Variants in DLG2 observed in about 807,000 individuals in gnomAD.
DLG2 encodes the protein disks large homolog 2.
In DLG2, 45 loss-of-function variants were observed where a neutral mutation model predicts 132.5. That is an observed-to-expected ratio of 0.34 (90% CI 0.27 to 0.44). DLG2 has a LOEUF of 0.44. Ranked by LOEUF, DLG2 falls within the 20% of genes least tolerant of loss-of-function variation. The pLI is 1.00. For missense variants in DLG2, 1,045 were observed against 1,196.9 expected (o/e 0.87, Z 1.87); for synonymous variants, 424 against 419.6 (o/e 1.01, Z -0.13).
intron 6 of DLG2, among the ~76,000 whole-genome samples, chr11:84,770,930 G>T (rs1387677594): frequency 1.3e-5 from 2 of 151,892 alleles, no homozygotes; most frequent in Non-Finnish European, 2.9e-5. Flanking sequence ...GGGATTACAG[G>T]CATGAGCCAC....
intron 6 of DLG2, among the ~76,000 whole-genome samples, chr11:84,902,534 C>T (rs772613834): frequency 2.0e-5 from 3 of 152,132 alleles, no homozygotes; most frequent in Non-Finnish European, 4.4e-5. Flanking sequence ...ACATCTCTCC[C>T]CACAATGGTG....
chr11:84,463,675 C>G (rs1227203793), intron 7 of DLG2, among the ~76,000 whole-genome samples: 1 of 151,172 alleles, frequency 6.6e-6, no homozygotes, highest in African/African-American at 2.4e-5. Flanking sequence ...AGGGACTATG[C>G]CCAACTCATC....
intron 3 of DLG2, among the ~76,000 whole-genome samples, chr11:85,293,953 C>T (rs1011260479): frequency 2.6e-5 from 4 of 152,062 alleles, no homozygotes; most frequent in African/African-American, 9.7e-5. Flanking sequence ...TAATAAGATG[C>T]ATGCAAAGCT....
intron 2 of DLG2, among the ~76,000 whole-genome samples, chr11:85,611,829 G>A (rs188834623): frequency 6.6e-6 from 1 of 152,190 alleles, no homozygotes; most frequent in Non-Finnish European, 1.5e-5. Flanking sequence ...ACCCAAGGGG[G>A]TGGCAGTCTT....
rs151171560 is a variant in DLG2 at position 84,375,951 on chromosome 11, C to T, written c.520-124660G>A. 3.4e-3 allele frequency among the ~76,000 whole-genome samples: 519 copies of T among 151,914 alleles called. 3 individuals are homozygous for T. Among genetic ancestry groups the T allele is most frequent in the African/African-American group, 0.012 (504 of 41,506 alleles). ...TGTTTGTGATTATTTTCATAATTTC[C>T]ATTTCATACAAACTTGACCCATTTG... On this transcript the variant is annotated intron_variant, in intron 7 of 27. Coordinates refer to ENST00000376104, the MANE Select transcript of DLG2 (RefSeq NM_001142699.3).
chr11:84,454,377 A>T (rs1248001561), intron 7 of DLG2, among the ~76,000 whole-genome samples: 1 of 151,518 alleles, frequency 6.6e-6, no homozygotes, highest in Non-Finnish European at 1.5e-5. Context: ...GTAAATGTAG[A>T]ATAGAACAAT....
At chr11:84,599,704 G>A (rs1160048569) in intron 6 of DLG2, among the ~76,000 whole-genome samples, 1 of 152,048 alleles carries the variant, frequency 6.6e-6, no homozygotes, top group Non-Finnish European at 1.5e-5. Flanking sequence ...GGCCAATTTA[G>A]CTTCTATGCC....
At chr11:83,519,039 G>T (rs1467709377) in intron 21 of DLG2, among the ~76,000 whole-genome samples, 3 of 152,130 alleles carry the variant, frequency 2.0e-5, no homozygotes, top group Non-Finnish European at 4.4e-5. Flanking sequence ...AAAACACAGT[G>T]CAGAGAGAGC....
rs193275734 is a variant in DLG2, at chr11:84,940,090, A to T, written c.357+171571T>A. On this transcript the variant is annotated intron_variant, in intron 6 of 27. Transcript: ENST00000376104. ...CTTCACATCCTTGCCAGCATTCATT[A>T]TTGCCTAGTTTTTGGATAAAAGCCA... is the stretch of plus-strand genomic sequence containing the variant. Among the ~76,000 whole-genome samples the T allele has an allele frequency of 2.8e-3, 431 of 152,250 alleles. 5 individuals are homozygous for T. Among genetic ancestry groups the T allele is most frequent in the African/African-American group, 1.0e-2 (415 of 41,542 alleles).
chr11:84,292,606 T>G (rs2098019109), intron 7 of DLG2, among the ~76,000 whole-genome samples: 1 of 152,228 alleles, frequency 6.6e-6, no homozygotes, highest in Non-Finnish European at 1.5e-5. Flanking sequence ...CTGATTTTTA[T>G]AAGCTATCAG....
At chr11:84,587,065 T>C (rs1565379100) in intron 6 of DLG2, among the ~76,000 whole-genome samples, 2 of 152,184 alleles carry the variant, frequency 1.3e-5, no homozygotes, top group African/African-American at 2.4e-5. Context: ...TGCTCCCTAG[T>C]CTAGTTCAGG....
intron 6 of DLG2, chr11:84,997,494 T>C (rs1268924133): frequency 6.6e-6 from 1 of 152,148 alleles, no homozygotes; most frequent in Non-Finnish European, 1.5e-5. Context: ...CAGAAACGCT[T>C]ACTCTCTAAG....
intron 11 of DLG2, among the ~76,000 whole-genome samples, chr11:84,043,224 G>T (rs1430744508): frequency 6.6e-6 from 1 of 150,754 alleles, no homozygotes; most frequent in Admixed American, 6.6e-5. Context: ...AAAATTTATT[G>T]CTTAAAATAA....
intron 21 of DLG2, among the ~76,000 whole-genome samples, chr11:83,512,917 A>C (rs978837549): frequency 2.0e-5 from 3 of 152,120 alleles, no homozygotes; most frequent in Admixed American, 2.0e-4. Context: ...ACATTTTCTT[A>C]ATCCAGTCTA....
intron 8 of DLG2, among the ~76,000 whole-genome samples, chr11:84,232,255 G>A (rs1007807409): frequency 4.6e-5 from 7 of 151,868 alleles, no homozygotes; most frequent in East Asian, 1.9e-4. Context: ...TTTTCAGAGC[G>A]CTTACTATTT....
chr11:83,505,831 T>C (rs1193322940), intron 21 of DLG2, among the ~76,000 whole-genome samples: 1 of 152,152 alleles, frequency 6.6e-6, no homozygotes, highest in Non-Finnish European at 1.5e-5. Context: ...TGTCCACTTT[T>C]GGGTGGTATC....
At chr11:84,367,645 T>G (rs1018391437) in intron 7 of DLG2, among the ~76,000 whole-genome samples, 13 of 152,070 alleles carry the variant, frequency 8.5e-5, no homozygotes, top group Non-Finnish European at 1.3e-4. Context: ...ATGGATTATT[T>G]ATCACAAGAT....
At chr11:84,927,334 G>A (rs1286239218) in intron 6 of DLG2, among the ~76,000 whole-genome samples, 1 of 151,664 alleles carries the variant, frequency 6.6e-6, no homozygotes, top group African/African-American at 2.4e-5. Context: ...TTTTTGTTTT[G>A]TTTTCTTTAG....
intron 7 of DLG2, among the ~76,000 whole-genome samples, chr11:84,323,147 CT>C (rs1404645258): frequency 3.9e-5 from 6 of 152,042 alleles, no homozygotes; most frequent in African/African-American, 1.4e-4. Flanking sequence ...ATCTCTACCA[CT>C]TTTTCACCAT....
Sources: allele counts gnomAD v4.1 joint callset (sites outside exome capture counted in the v4.1 genomes callset), GRCh38; gene constraint gnomAD v4.1.1; transcripts MANE v1.5; gene names NCBI Gene and HGNC (gene_info 2026-07-23, HGNC 2026-07-21).